Variants in CNTLN observed in about 807,000 individuals in gnomAD.
CNTLN encodes centlein, also known as centlein, centrosomal protein.
A neutral mutation model predicts 180.0 loss-of-function variants in CNTLN; 212 were observed. That is an observed-to-expected ratio of 1.18 (90% CI 1.05 to 1.32). CNTLN has a LOEUF of 1.32. Among genes scored for constraint, CNTLN ranks in the 40% most tolerant of loss-of-function variants. The pLI is 0.00. For missense variants in CNTLN, 2,095 were observed against 1,610.9 expected, an observed-to-expected ratio of 1.30 and a Z score of -5.14; for synonymous variants, 722 against 563.1, an observed-to-expected ratio of 1.28 and a Z score of -3.99.
At chr9:17,140,050 A>G (rs1817978236) in intron 1 of CNTLN, among the ~76,000 whole-genome samples, 3 of 152,210 alleles carry the variant, frequency 2.0e-5, no homozygotes, top group African/African-American at 7.2e-5. Context: ...GAAGGAAGGG[A>G]AAATATAAAG....
At chr9:17,401,900 C>G (rs10963082) in intron 15 of CNTLN, among the ~76,000 whole-genome samples, 13,161 of 129,968 alleles carry the variant, frequency 0.1, 858 homozygotes, top group Non-Finnish European at 0.14. Context: ...GTATTTACAA[C>G]ACATAAAGAA....
intron 2 of CNTLN, among the ~76,000 whole-genome samples, chr9:17,211,848 T>A (rs1284033930): frequency 6.6e-6 from 1 of 152,168 alleles, no homozygotes; most frequent in Admixed American, 6.5e-5. Context: ...ATGATTTGGC[T>A]CTCTGTTTGT....
At chr9:17,486,918 T>C in intron 24 of CNTLN, 71 bp from the exon 25 acceptor site, 1 of 691,584 alleles carries the variant, frequency 1.4e-6, no homozygotes, top group Non-Finnish European at 2.5e-6. Context: ...CCAGATTTAT[T>C]CAGTATCTAA....
intron 23 of CNTLN, among the ~76,000 whole-genome samples, chr9:17,483,628 T>A (rs1308137165): frequency 2.0e-5 from 3 of 152,216 alleles, no homozygotes; most frequent in Admixed American, 2.0e-4. Context: ...AGTAACTTTT[T>A]GTTACCCACA....
At chr9:17,383,164 C>G (rs1825395254) in intron 13 of CNTLN, among the ~76,000 whole-genome samples, 2 of 152,092 alleles carry the variant, frequency 1.3e-5, no homozygotes, top group African/African-American at 4.8e-5. Context: ...TATACACACA[C>G]AAATATATCT....
chr9:17,409,047 T>A (rs1827634062), intron 15 of CNTLN, among the ~76,000 whole-genome samples: 1 of 152,216 alleles, frequency 6.6e-6, no homozygotes, highest in Non-Finnish European at 1.5e-5. Context: ...TTGGTTGAAG[T>A]ACTATCGAAA....
chr9:17,369,729 G>C (rs1292820090), intron 13 of CNTLN, among the ~76,000 whole-genome samples: 2 of 151,840 alleles, frequency 1.3e-5, no homozygotes, highest in Non-Finnish European at 2.9e-5. Context: ...GCTCATGCCT[G>C]TAATCCCAGC....
At position 17,484,420 on chromosome 9, in the gene CNTLN, T is replaced by G. The variant is rs1415228713; in HGVS notation, c.3981T>G (p.Ala1327=). 1.9e-6 allele frequency: 3 copies of G among 1,610,348 alleles called. No individual in the cohort carries two copies. The highest frequency in any genetic ancestry group is 2.2e-5 in the East Asian group (1 of 44,854). Residue 1327 remains alanine, a synonymous_variant, in exon 24 of 26, where the codon GCT becomes GCG. Transcript: ENST00000380647. ...TSTHKAQTLA[A]SILNISRSDL... ...CCCATAAAGCCCAGACCTTGGCAGC[T>G]TCTATCCTGAACATTTCACGGTCAG...
chr9:17,452,756 T>C (rs1348362767), intron 18 of CNTLN, among the ~76,000 whole-genome samples: 1 of 151,990 alleles, frequency 6.6e-6, no homozygotes, highest in African/African-American at 2.4e-5. Flanking sequence ...TCCCAGCAAA[T>C]GTCAAGTTGG....
intron 2 of CNTLN, among the ~76,000 whole-genome samples, chr9:17,187,733 T>C (rs2131779354): frequency 6.6e-6 from 1 of 151,690 alleles, no homozygotes; most frequent in East Asian, 1.9e-4. Flanking sequence ...TTGATATTTA[T>C]AGAGTGTCAT....
intron 5 of CNTLN, among the ~76,000 whole-genome samples, chr9:17,247,269 G>C (rs1825849774): frequency 6.6e-6 from 1 of 152,084 alleles, no homozygotes; most frequent in Non-Finnish European, 1.5e-5. Flanking sequence ...GATCACCTTA[G>C]CTCATTGTGA....
chr9:17,230,616 C>T (rs973398210), intron 3 of CNTLN, among the ~76,000 whole-genome samples: 5 of 151,704 alleles, frequency 3.3e-5, no homozygotes, highest in Non-Finnish European at 5.9e-5. Flanking sequence ...CCCCATGAGT[C>T]TGGGCTCTGG....
intron 13 of CNTLN, among the ~76,000 whole-genome samples, chr9:17,381,102 C>A (rs1399035357): frequency 6.6e-6 from 1 of 152,146 alleles, no homozygotes; most frequent in African/African-American, 2.4e-5. Context: ...ATTTTTAGGC[C>A]TTTACCCAGA....
Position 17,298,549 on chromosome 9 carries a change from C to G in CNTLN, c.1146+197C>G, listed in dbSNP as rs3739490. 0.25 allele frequency: 308,475 copies of G among 1,237,324 alleles called. 39,575 individuals carry two copies. The highest frequency in any genetic ancestry group is 0.35 in the South Asian group (15,116 of 42,740). The allele number at this position is 1,237,324 out of a possible 1,614,324, so 76.6% of individuals were successfully genotyped here. A position where few individuals can be genotyped will look rare whatever the true frequency, so the allele number is the denominator to read the frequency against. ...TGAATTTTCTTTATGGTAATTAGAGCTGAATCACTTAAAATATAGATACAA... is the reference window on the plus strand; with the variant it reads ...TGAATTTTCTTTATGGTAATTAGAGGTGAATCACTTAAAATATAGATACAA... On this transcript the variant is annotated intron_variant, in intron 7 of 25. Transcript: ENST00000380647.
chr9:17,502,049 C>T (rs1833777493), intron 25 of CNTLN, among the ~76,000 whole-genome samples: 1 of 152,108 alleles, frequency 6.6e-6, no homozygotes, highest in Non-Finnish European at 1.5e-5. Flanking sequence ...TTTTCTATAA[C>T]AACTTAATCA....
At chr9:17,188,362 C>G (rs187352748) in intron 2 of CNTLN, among the ~76,000 whole-genome samples, 3 of 151,950 alleles carry the variant, frequency 2.0e-5, no homozygotes. Context: ...ATATTGAAGG[C>G]AAAGCAAAGA....
intron 13 of CNTLN, among the ~76,000 whole-genome samples, chr9:17,370,541 A>G (rs751476514): frequency 1.4e-4 from 21 of 152,266 alleles, no homozygotes; most frequent in Non-Finnish European, 1.2e-4. Context: ...CACCATACCT[A>G]TCCTACAAGA....
In CNTLN at chr9:17,229,252, G is replaced by C. The variant is rs540865611; in HGVS notation, c.534+2965G>C. ...GTAAAATGCTGCAAAAAATGGAGTGGGTTTTTGAAAAAGACATTACATTTA... is the reference window on the plus strand; with the variant it reads ...GTAAAATGCTGCAAAAAATGGAGTGCGTTTTTGAAAAAGACATTACATTTA... On this transcript the variant is annotated intron_variant, in intron 3 of 25. Coordinates refer to ENST00000380647, the MANE Select transcript of CNTLN (RefSeq NM_017738.4). Among the ~76,000 whole-genome samples the C allele has an allele frequency of 2.6e-5, 4 of 151,926 alleles. No homozygotes were observed. The East Asian group carries it at 7.8e-4, about 29-fold the overall frequency.
rs1360993575 is a variant in CNTLN at position 17,249,474 on chromosome 9, G to A, written c.849+12886G>A. On this transcript the variant is annotated intron_variant, in intron 5 of 25. Coordinates refer to ENST00000380647, the MANE Select transcript of CNTLN (RefSeq NM_017738.4). ...CACCATTCTCCTGCTTCAGCCTCCC[G>A]AGTAGCTGGGACTACAGGTGCCTGC... 2.7e-5 allele frequency among the ~76,000 whole-genome samples: 4 copies of A among 149,808 alleles called. No homozygotes were observed. In the East Asian group the frequency reaches 5.9e-4, roughly 22 times the overall value.
Sources: gnomAD v4.1 joint callset for allele counts (sites outside exome capture counted in the v4.1 genomes callset) on GRCh38, gnomAD v4.1.1 for gene constraint, MANE v1.5 for transcripts, NCBI Gene and HGNC (gene_info 2026-07-23, HGNC 2026-07-21) for gene names.